NAV1: variants seen among roughly 807,000 people sequenced by gnomAD.
NAV1 encodes neuron navigator 1.
NAV1 carries 18 observed loss-of-function variants against 175.2 expected under a neutral mutation model. The ratio of observed to expected loss-of-function variants is 0.10; its 90% CI spans 0.07 to 0.15. The LOEUF is 0.15. NAV1 is among the 10% of genes least tolerant of loss of function. The probability of loss-of-function intolerance (pLI) is 1.00; values close to 1 mark genes in which losing one functional copy is unlikely to be tolerated. For synonymous variants in NAV1, 897 were observed against 978.7 expected, an observed-to-expected ratio of 0.92 and a Z score of 1.56; for missense variants, 1,731 against 2,436.6, an observed-to-expected ratio of 0.71 and a Z score of 6.10.
At chr1:201,763,983 CA>C (rs1398160024) in intron 3 of NAV1, among the ~76,000 whole-genome samples, 1 of 152,184 alleles carries the variant, frequency 6.6e-6, no homozygotes, top group African/African-American at 2.4e-5. Flanking sequence ...CAAGTCCAAG[CA>C]GCAATGATAA....
chr1:201,688,747 A>G (rs1438851227), intron 1 of NAV1, among the ~76,000 whole-genome samples: 1 of 152,240 alleles, frequency 6.6e-6, no homozygotes, highest in Non-Finnish European at 1.5e-5. Context: ...CTTCGGAAGC[A>G]AAGGATTCAT....
chr1:201,723,531 TC>T (rs1335239333), intron 3 of NAV1: 1 of 152,248 alleles, frequency 6.6e-6, no homozygotes, highest in African/African-American at 2.4e-5. Context: ...ATGCAGCTTT[TC>T]CCCTACGTTT....
chr1:201,548,485 C>A (rs990701403), intron 1 of NAV1, among the ~76,000 whole-genome samples: 1 of 152,146 alleles, frequency 6.6e-6, no homozygotes, highest in Non-Finnish European at 1.5e-5. Flanking sequence ...TGATCCCAGC[C>A]AGGAGTTTGA....
At chr1:201,622,721 G>A (rs936029283), upstream of NAV1, among the ~76,000 whole-genome samples, 3 of 152,130 alleles carry the variant, frequency 2.0e-5, no homozygotes, top group East Asian at 1.9e-4. Context: ...GTCACAATGC[G>A]AACCAGGAGT....
upstream of NAV1, chr1:201,622,872 A>G: frequency 1.0e-6 from 1 of 985,964 alleles, no homozygotes; most frequent in Non-Finnish European, 1.2e-6. Context: ...CCACACTTCC[A>G]GCCTTGCAGA....
At chr1:201,661,273 C>T (rs946585079) in intron 1 of NAV1, among the ~76,000 whole-genome samples, 8 of 152,188 alleles carry the variant, frequency 5.3e-5, no homozygotes, top group Admixed American at 1.3e-4. Flanking sequence ...TCGGTTCTCT[C>T]TTGCCCTCCT....
chr1:201,676,401 C>G (rs1050445464), intron 1 of NAV1, among the ~76,000 whole-genome samples: 3 of 152,178 alleles, frequency 2.0e-5, no homozygotes, highest in Non-Finnish European at 4.4e-5. Flanking sequence ...ATGCAGCTGC[C>G]CAGAAGTGCT....
In NAV1 at chr1:201,665,649, G is replaced by T. The variant is rs149106886; in HGVS notation, c.757+16224G>T. Among the ~76,000 whole-genome samples the T allele has an allele frequency of 9.3e-3, 1,327 of 143,378 alleles. 19 individuals carry two copies. Among genetic ancestry groups the T allele is most frequent in the African/African-American group, 0.032 (1,234 of 38,288 alleles). The allele number at this position is 143,378 out of a possible 152,430, so 94.1% of individuals were successfully genotyped here. On this transcript the variant is annotated intron_variant, in intron 1 of 29. Transcript: ENST00000367296. The stretch of plus-strand genomic sequence containing the variant: ...CTGGATCACCTTCACTCCTCCCTTG[G>T]CTGAAAGACAAAGAGAGGGTAAGAC...
At chr1:201,817,407 G>A (rs1447957663) in intron 29 of NAV1, 122 bp downstream of exon 33, 10 of 861,618 alleles carry the variant, frequency 1.2e-5, no homozygotes, top group African/African-American at 8.5e-5. Context: ...GATTGTTTGA[G>A]TTCAAAACCA....
intron 2 of NAV1, among the ~76,000 whole-genome samples, chr1:201,598,730 AGTAAAAGCAGT>A (rs1667432118): frequency 6.6e-6 from 1 of 152,236 alleles, no homozygotes; most frequent in Non-Finnish European, 1.5e-5. Context: ...TAATGGATGC[AGTAAAAGCAGT>A]GGGTGAGGGC....
Position 201,718,851 on chromosome 1 carries a change from TG to T in NAV1, c.1226+98del, listed in dbSNP as rs1435556363. 1.4e-6 allele frequency: 2 copies of T among 1,457,996 alleles called. No individual in the cohort carries two copies. The highest frequency in any genetic ancestry group is 1.4e-5 in the African/African-American group (1 of 71,054). The allele number at this position is 1,457,996 out of a possible 1,614,324, so 90.3% of individuals were successfully genotyped here. A position where few individuals can be genotyped will look rare whatever the true frequency, so the allele number is the denominator to read the frequency against. On this transcript the variant is annotated intron_variant, in intron 3 of 29. Coordinates refer to ENST00000367296, the Ensembl canonical transcript of NAV1. This position sits in a 1 kb window ranked among gnomAD's most constrained non-coding sequence, Gnocchi z 4.8. ...GTGGAGTGGAACCCAAAACGGGTTTTGGTTTGCTGTGCTGCTATGAAAGTAC... is the reference window on the plus strand; with the variant it reads ...GTGGAGTGGAACCCAAAACGGGTTTTGTTTGCTGTGCTGCTATGAAAGTAC...
At chr1:201,590,814 T>C (rs201760734) in intron 2 of NAV1, among the ~76,000 whole-genome samples, 13 of 152,142 alleles carry the variant, frequency 8.5e-5, no homozygotes, top group Non-Finnish European at 1.6e-4. Context: ...GGAGTGGCTG[T>C]GTGGAATGGG....
chr1:201,674,456 C>A (rs1160740569), intron 1 of NAV1, among the ~76,000 whole-genome samples: 2 of 152,050 alleles, frequency 1.3e-5, no homozygotes, highest in Non-Finnish European at 2.9e-5. Context: ...TACCAGGAGC[C>A]CTCCTGGAGG....
chr1:201,676,896 A>G (rs1670273902), intron 1 of NAV1, among the ~76,000 whole-genome samples: 1 of 152,046 alleles, frequency 6.6e-6, no homozygotes, highest in South Asian at 2.1e-4. Flanking sequence ...TTGTCTTTAA[A>G]CCAATGTAAT....
intron 1 of NAV1, among the ~76,000 whole-genome samples, chr1:201,575,277 C>T (rs1666662862): frequency 6.6e-6 from 1 of 152,148 alleles, no homozygotes; most frequent in Non-Finnish European, 1.5e-5. Context: ...TGGTGGACCC[C>T]CCAACCTGGT....
intron 1 of NAV1, among the ~76,000 whole-genome samples, chr1:201,586,500 A>T (rs673550): frequency 0.32 from 49,104 of 151,888 alleles, 8,554 homozygotes; most frequent in East Asian, 0.53. Context: ...ATTTATTTTC[A>T]CACAGTTCTG....
chr1:201,746,176 A>G (rs982731199), intron 3 of NAV1, among the ~76,000 whole-genome samples: 3 of 152,088 alleles, frequency 2.0e-5, no homozygotes, highest in Non-Finnish European at 2.9e-5. Flanking sequence ...TACTCATCAT[A>G]TGGTGATAGT....
rs1311837170 is a variant in NAV1 at position 201,813,951 on chromosome 1, G to C, written c.5340+693G>C. 1.3e-5 allele frequency among the ~76,000 whole-genome samples: 2 copies of C among 152,158 alleles called. No homozygotes were observed. The highest frequency in any genetic ancestry group is 3.8e-4 in the East Asian group (2 of 5,200). ...GGGCGCCTGCAGTCCCAGCTACTTG[G>C]AAGGCTGAGGCAGGAGAATGGCGTG... On this transcript the variant is annotated intron_variant, in intron 28 of 29. Transcript: ENST00000367296. This position sits in a 1 kb window ranked among gnomAD's most constrained non-coding sequence, Gnocchi z 4.2.
chr1:201,710,071 A>G (rs1671832595), intron 1 of NAV1, among the ~76,000 whole-genome samples: 1 of 151,724 alleles, frequency 6.6e-6, no homozygotes, highest in South Asian at 2.1e-4. Context: ...TGTGACCTAG[A>G]TGTCTATGAC....
Sources: allele counts gnomAD v4.1 joint callset (sites outside exome capture counted in the v4.1 genomes callset), GRCh38; gene constraint gnomAD v4.1.1; non-coding constraint Gnocchi (gnomAD v3.1); transcripts MANE v1.5; gene names NCBI Gene and HGNC (gene_info 2026-07-23, HGNC 2026-07-21).